Variants in PDE1C observed in about 807,000 individuals in gnomAD.
The protein encoded by PDE1C is phosphodiesterase 1C.
A neutral mutation model predicts 93.1 loss-of-function variants in PDE1C; 62 were observed. That is an observed-to-expected ratio of 0.67 (90% confidence interval 0.54 to 0.82). The LOEUF is 0.82. Among genes scored for constraint, PDE1C ranks in the 40% least tolerant of loss-of-function variants. PDE1C has a pLI of 0.00. For missense variants in PDE1C, 742 were observed against 884.6 expected (o/e 0.84, Z 2.04); for synonymous variants, 325 against 310.1 (o/e 1.05, Z -0.50).
At chr7:32,030,417 C>T (rs140142454) in intron 2 of PDE1C, among the ~76,000 whole-genome samples, 1 of 152,146 alleles carries the variant, frequency 6.6e-6, no homozygotes, top group East Asian at 1.9e-4. Context: ...TATTTGAACA[C>T]GTGGATATAT....
chr7:32,220,104 CT>C lies in PDE1C; in HGVS notation c.86-10566del, dbSNP rs10691851. ...ATGGAACTGTGAGTCCCTTAAACCT[CT>C]TTTTTTTTTTAAATAAATTACCCAG... On this transcript the variant is annotated intron_variant, in intron 1 of 18. Coordinates refer to the PDE1C transcript ENST00000396193. Among the ~76,000 whole-genome samples, 124 of 148,242 alleles carry C rather than the reference CT, an allele frequency of 8.4e-4. 1 individual carries two copies. Among genetic ancestry groups the C allele is most frequent in the Middle Eastern group, 3.5e-3 (1 of 282 alleles).
intron 1 of PDE1C, among the ~76,000 whole-genome samples, chr7:32,329,480 G>T (rs1251028312): frequency 6.6e-6 from 1 of 152,156 alleles, no homozygotes; most frequent in South Asian, 2.1e-4. Context: ...ACCTTGAGGT[G>T]CCTCAGACTC....
chr7:32,165,692 C>T (rs1295155219), intron 3 of PDE1C, among the ~76,000 whole-genome samples: 1 of 152,158 alleles, frequency 6.6e-6, no homozygotes, highest in Non-Finnish European at 1.5e-5. Context: ...AGATTCTTCC[C>T]TTGACACATG....
At chr7:31,823,271 CAAAGA>C in intron 13 of PDE1C, 23 bp from the exon 14 acceptor site, 1 of 1,594,860 alleles carries the variant, frequency 6.3e-7, no homozygotes. Context: ...AAAATCATAC[CAAAGA>C]AGAGAGTTAG....
rs981577990 is a variant in PDE1C at position 31,751,227 on chromosome 7, C to G, written c.*2157G>C. The G allele has an allele frequency of 6.6e-6, 1 of 152,116 alleles. No individual in the cohort carries two copies. Among genetic ancestry groups the G allele is most frequent in the Non-Finnish European group, 1.5e-5 (1 of 68,022 alleles). 9.4% of individuals were successfully genotyped at this position (152,116 alleles called of 1,614,324 possible). On this transcript the variant is annotated 3_prime_UTR_variant, in exon 18 of 18. Coordinates refer to ENST00000396191, the MANE Select transcript of PDE1C (RefSeq NM_001191057.4). ...TGCTGTAAGAATATAATCTGCATTT[C>G]TATACAATCCATTATGCAAAAAACA...
At chr7:31,918,773 T>C (rs901022800) in intron 2 of PDE1C, among the ~76,000 whole-genome samples, 1 of 152,214 alleles carries the variant, frequency 6.6e-6, no homozygotes, top group Non-Finnish European at 1.5e-5. Context: ...TGCCTTGCTG[T>C]CACATAAAAC....
chr7:32,224,255 C>A (rs973804888), intron 1 of PDE1C, among the ~76,000 whole-genome samples: 2 of 152,150 alleles, frequency 1.3e-5, no homozygotes, highest in Admixed American at 6.5e-5. Context: ...TGCCTGTAAT[C>A]CCAGCTACTC....
At chr7:32,145,007 C>T (rs1800751677) in intron 3 of PDE1C, among the ~76,000 whole-genome samples, 2 of 152,214 alleles carry the variant, frequency 1.3e-5, no homozygotes, top group African/African-American at 4.8e-5. Flanking sequence ...CAGACTTCTG[C>T]TCCCTAATTA....
intron 2 of PDE1C, among the ~76,000 whole-genome samples, chr7:32,041,562 C>T (rs1284752114): frequency 3.3e-5 from 5 of 152,198 alleles, no homozygotes; most frequent in Admixed American, 2.6e-4. Context: ...CGTATTAAAT[C>T]AGAGGATAGA....
At chr7:31,959,628 A>G (rs1365470714) in intron 2 of PDE1C, among the ~76,000 whole-genome samples, 1 of 152,212 alleles carries the variant, frequency 6.6e-6, no homozygotes, top group Non-Finnish European at 1.5e-5. Context: ...ATTAATATTC[A>G]TATTGTTTGA....
intron 1 of PDE1C, among the ~76,000 whole-genome samples, chr7:32,399,664 C>T (rs1454837355): frequency 2.0e-5 from 3 of 148,184 alleles, no homozygotes; most frequent in Non-Finnish European, 4.5e-5. Flanking sequence ...CTCACTGCAA[C>T]TTCTGCCTCC....
At chr7:31,946,394 G>T (rs112546290) in intron 2 of PDE1C, among the ~76,000 whole-genome samples, 16 of 152,032 alleles carry the variant, frequency 1.1e-4, no homozygotes, top group Non-Finnish European at 2.2e-4. Context: ...AAAACCCCTC[G>T]TGGCTTGGAT....
At position 32,327,727 on chromosome 7, in the gene PDE1C, G is replaced by A. The variant is rs1248674314; in HGVS notation, c.310+100095C>T. On this transcript the variant is annotated intron_variant, in intron 1 of 1. Coordinates refer to the PDE1C transcript ENST00000672256. Reference sequence around the variant, plus strand: ...GGAGGCTGCAGTGAACCAAGATCACGTCACTGCACTCCAGCCTGGGCAACA... The same window carrying A: ...GGAGGCTGCAGTGAACCAAGATCACATCACTGCACTCCAGCCTGGGCAACA... Among the ~76,000 whole-genome samples the A allele has an allele frequency of 3.5e-5, 5 of 143,204 alleles. No individual in the cohort carries two copies. In the South Asian group the frequency reaches 8.7e-4, roughly 25 times the overall value. The allele number at this position is 143,204 out of a possible 152,430, so 93.9% of individuals were successfully genotyped here. A position where few individuals can be genotyped will look rare whatever the true frequency, so the allele number is the denominator to read the frequency against.
chr7:31,703,760 G>A, the PDE1C span, among the ~76,000 whole-genome samples: 1 of 152,164 alleles, frequency 6.6e-6, no homozygotes, highest in Non-Finnish European at 1.5e-5. Context: ...ATTAGCCCTT[G>A]GCAAGTGAAA....
chr7:32,383,157 A>G (rs1289918973), intron 1 of PDE1C, among the ~76,000 whole-genome samples: 2 of 152,218 alleles, frequency 1.3e-5, no homozygotes, highest in African/African-American at 2.4e-5. Flanking sequence ...CAAAACATGA[A>G]CTTCTCTTAT....
At chr7:32,271,641 T>A (rs1810971588) in intron 1 of PDE1C, among the ~76,000 whole-genome samples, 1 of 152,150 alleles carries the variant, frequency 6.6e-6, no homozygotes, top group Admixed American at 6.5e-5. Flanking sequence ...GAAGAACTTA[T>A]TGACAAACAG....
intron 1 of PDE1C, among the ~76,000 whole-genome samples, chr7:32,393,763 T>C (rs1585140304): frequency 6.6e-6 from 1 of 152,340 alleles, no homozygotes; most frequent in African/African-American, 2.4e-5. Flanking sequence ...TAAAAATATA[T>C]CCTTATGCCA....
chr7:32,273,231 G>A (rs1308655020), intron 1 of PDE1C, among the ~76,000 whole-genome samples: 2 of 152,218 alleles, frequency 1.3e-5, no homozygotes, highest in African/African-American at 4.8e-5. Context: ...GCCCCGGTGA[G>A]AGGGAAGACA....
intron 17 of PDE1C, among the ~76,000 whole-genome samples, chr7:31,765,819 C>A (rs1349178965): frequency 6.6e-6 from 1 of 152,112 alleles, no homozygotes; most frequent in Non-Finnish European, 1.5e-5. Context: ...CACTCCCAGG[C>A]AGAATACAAG....
Sources: gnomAD v4.1 joint callset for allele counts (sites outside exome capture counted in the v4.1 genomes callset) on GRCh38, gnomAD v4.1.1 for gene constraint, MANE v1.5 for transcripts, NCBI Gene and HGNC (gene_info 2026-07-23, HGNC 2026-07-21) for gene names.